SPOCK1: variants seen among roughly 807,000 people sequenced by gnomAD.
The protein encoded by SPOCK1 is SPARC (osteonectin), cwcv and kazal like domains proteoglycan 1.
A neutral mutation model predicts 55.3 loss-of-function variants in SPOCK1; 23 were observed. The observed-to-expected ratio is 0.42, with a 90% CI of 0.30 to 0.59. SPOCK1 has a LOEUF of 0.59. Among genes scored for constraint, SPOCK1 ranks in the 20% least tolerant of loss-of-function variants. The pLI, the probability that SPOCK1 is intolerant of heterozygous loss-of-function variation, is 0.22. For synonymous variants in SPOCK1, 226 were observed against 221.0 expected (o/e 1.02, Z -0.20); for missense variants, 499 against 552.5 (o/e 0.90, Z 0.97).
intron 3 of SPOCK1, among the ~76,000 whole-genome samples, chr5:137,173,361 C>T (rs1754790753): frequency 6.6e-6 from 1 of 152,110 alleles, no homozygotes. Context: ...GTTCTGTGAA[C>T]CTGTCATCGT....
intron 2 of SPOCK1, among the ~76,000 whole-genome samples, chr5:137,327,533 T>A (rs1052079571): frequency 2.0e-5 from 3 of 152,188 alleles, no homozygotes; most frequent in African/African-American, 7.2e-5. Context: ...GGTTGAGACT[T>A]TCGGTTTTAA....
chr5:137,221,979 GA>G (rs147253429), intron 3 of SPOCK1, among the ~76,000 whole-genome samples: 2,581 of 152,288 alleles, frequency 0.017, 33 homozygotes, highest in Non-Finnish European at 0.025. Flanking sequence ...GACTCCATCT[GA>G]AAAGGTCTTC....
At chr5:137,395,777 G>A (rs1751834267) in intron 2 of SPOCK1, among the ~76,000 whole-genome samples, 1 of 152,172 alleles carries the variant, frequency 6.6e-6, no homozygotes, top group Non-Finnish European at 1.5e-5. Flanking sequence ...AGGTGAGGAG[G>A]TAAGCTCAGC....
intron 6 of SPOCK1, among the ~76,000 whole-genome samples, chr5:137,014,501 C>T (rs1045150107): frequency 3.9e-5 from 6 of 152,108 alleles, no homozygotes; most frequent in Non-Finnish European, 8.8e-5. Flanking sequence ...GGAAATCTTT[C>T]GGCATCAAGA....
At chr5:137,327,224 G>A (rs1464174617) in intron 2 of SPOCK1, among the ~76,000 whole-genome samples, 1 of 152,146 alleles carries the variant, frequency 6.6e-6, no homozygotes, top group African/African-American at 2.4e-5. Context: ...AAGACCTGAT[G>A]AGTTAATCAC....
chr5:137,452,721 C>A (rs1036022718), intron 2 of SPOCK1, among the ~76,000 whole-genome samples: 12 of 152,190 alleles, frequency 7.9e-5, no homozygotes, highest in Non-Finnish European at 1.6e-4. Context: ...ATTTCAAATG[C>A]AAAAGCTATA....
chr5:137,496,112 A>G (rs923059585), intron 2 of SPOCK1, among the ~76,000 whole-genome samples: 2 of 152,188 alleles, frequency 1.3e-5, no homozygotes, highest in African/African-American at 4.8e-5. Flanking sequence ...ATACTATCTA[A>G]AGGCAGTATT....
chr5:137,417,061 A>C (rs1752349760), intron 2 of SPOCK1, among the ~76,000 whole-genome samples: 1 of 152,134 alleles, frequency 6.6e-6, no homozygotes, highest in Admixed American at 6.6e-5. Flanking sequence ...CCACATATAT[A>C]GATATATGTG....
intron 2 of SPOCK1, among the ~76,000 whole-genome samples, chr5:137,430,840 C>T (rs573718402): frequency 1.4e-4 from 21 of 152,204 alleles, no homozygotes; most frequent in Non-Finnish European, 1.5e-4. Context: ...CCCTTGCTGC[C>T]TTTCACTGCA....
At chr5:137,367,083 G>A (rs535210785) in intron 2 of SPOCK1, among the ~76,000 whole-genome samples, 3 of 152,298 alleles carry the variant, frequency 2.0e-5, no homozygotes, top group South Asian at 2.1e-4. Flanking sequence ...CTTAAAGTAC[G>A]TGAAGTATCT....
At chr5:137,203,263 T>A (rs866981525) in intron 3 of SPOCK1, among the ~76,000 whole-genome samples, 2 of 151,846 alleles carry the variant, frequency 1.3e-5, no homozygotes, top group Admixed American at 6.6e-5. Context: ...CAACAGATGA[T>A]CTAGTGTGTC....
chr5:137,139,733 C>T (rs964062486), intron 4 of SPOCK1, among the ~76,000 whole-genome samples: 6 of 152,124 alleles, frequency 3.9e-5, no homozygotes, highest in Non-Finnish European at 8.8e-5. Context: ...ACAGGCAGCA[C>T]AGGGAGAAGT....
At chr5:137,287,896 C>T (rs1464534291) in intron 2 of SPOCK1, among the ~76,000 whole-genome samples, 1 of 152,094 alleles carries the variant, frequency 6.6e-6, no homozygotes. Flanking sequence ...AGTCACAAGC[C>T]ATAAAATTGA....
intron 3 of SPOCK1, among the ~76,000 whole-genome samples, chr5:137,168,027 C>T (rs537667932): frequency 2.0e-5 from 3 of 151,972 alleles, no homozygotes; most frequent in South Asian, 2.1e-4. Flanking sequence ...ATCAATGACA[C>T]AAAATATTGG....
chr5:137,025,315 A>G (rs1246493872), intron 6 of SPOCK1, among the ~76,000 whole-genome samples: 1 of 152,116 alleles, frequency 6.6e-6, no homozygotes, highest in Admixed American at 6.5e-5. Context: ...AATTTTTTCA[A>G]AAAAGACTGG....
At chr5:137,206,409 C>T (rs1051804654) in intron 3 of SPOCK1, among the ~76,000 whole-genome samples, 1 of 152,160 alleles carries the variant, frequency 6.6e-6, no homozygotes, top group Non-Finnish European at 1.5e-5. Flanking sequence ...CTGCCAAACA[C>T]GGAAAGAGAA....
At chr5:137,066,997 G>C (rs1042114747) in intron 6 of SPOCK1, among the ~76,000 whole-genome samples, 389 of 80,020 alleles carry the variant, frequency 4.9e-3, no homozygotes, top group African/African-American at 0.013. Context: ...CAGAGAGAGA[G>C]AGAGAGAGAG....
intron 6 of SPOCK1, among the ~76,000 whole-genome samples, chr5:137,037,206 G>A (rs1013317369): frequency 2.0e-5 from 3 of 151,818 alleles, no homozygotes; most frequent in African/African-American, 7.3e-5. Flanking sequence ...TCTGATCCAA[G>A]TCATGGTATC....
chr5:137,010,328 A>G lies in SPOCK1; in HGVS notation c.590-17728T>C, dbSNP rs553026573. 1.6e-4 allele frequency among the ~76,000 whole-genome samples: 25 copies of G among 152,228 alleles called. 1 individual carries two copies. The Middle Eastern group carries it at 0.024, about 145-fold the overall frequency. On this transcript the variant is annotated intron_variant, in intron 6 of 10. Coordinates refer to ENST00000394945, the MANE Select transcript of SPOCK1 (RefSeq NM_004598.4). ...AGCACCAAGAATAAACATGCCAAAC[A>G]GGTCATGGCCAGCATGTACGTTTGA...
Sources: allele counts gnomAD v4.1 joint callset (sites outside exome capture counted in the v4.1 genomes callset), GRCh38; gene constraint gnomAD v4.1.1; transcripts MANE v1.5; gene names NCBI Gene and HGNC (gene_info 2026-07-23, HGNC 2026-07-21).